The following PPP4R1 variants were observed in gnomAD, a reference collection of about 807,000 sequenced individuals.
PPP4R1 encodes the protein serine/threonine-protein phosphatase 4 regulatory subunit 1.
A neutral mutation model predicts 111.2 loss-of-function variants in PPP4R1; 42 were observed. The observed-to-expected ratio is 0.38, with a 90% CI of 0.29 to 0.49. The LOEUF (loss-of-function observed/expected upper bound fraction) is 0.49. Ranked by LOEUF, PPP4R1 falls within the 20% of genes least tolerant of loss-of-function variation. PPP4R1 has a pLI of 0.97. For missense variants in PPP4R1, 1,012 were observed against 1,161.6 expected (o/e 0.87, Z 1.87); for synonymous variants, 409 against 405.5 (o/e 1.01, Z -0.10).
rs143728389 is a variant in PPP4R1, at chr18:9,591,467, G to A, written c.295+2301C>T. On this transcript the variant is annotated intron_variant, in intron 4 of 19. Transcript: ENST00000400556. Reference sequence around the variant, plus strand: ...ATACCACTATACATCCATCCATTCCGGGGGAAAATAAAAGCAGATGGTAAA... The same window carrying A: ...ATACCACTATACATCCATCCATTCCAGGGGAAAATAAAAGCAGATGGTAAA... Among the ~76,000 whole-genome samples, 341 of 152,092 alleles carry A rather than the reference G, an allele frequency of 2.2e-3. 1 individual carries two copies. The highest frequency in any genetic ancestry group is 3.4e-3 in the Middle Eastern group (1 of 294).
intron 9 of PPP4R1, among the ~76,000 whole-genome samples, chr18:9,581,345 T>C (rs1045479951): frequency 6.6e-6 from 1 of 152,142 alleles, no homozygotes; most frequent in Non-Finnish European, 1.5e-5. Context: ...GGGACGGTGC[T>C]GCATCAACTA....
chr18:9,576,984 A>G, intron 10 of PPP4R1, 80 bp downstream of exon 10: 1 of 1,252,476 alleles, frequency 8.0e-7, no homozygotes, highest in Non-Finnish European at 1.1e-6. Flanking sequence ...CATTTGTTGC[A>G]GAATAGTGGA....
intron 9 of PPP4R1, among the ~76,000 whole-genome samples, chr18:9,579,198 C>T (rs543319659): frequency 6.6e-5 from 10 of 152,216 alleles, no homozygotes; most frequent in Admixed American, 5.9e-4. Context: ...AATTTTCCAA[C>T]ACTATAAAAA....
At chr18:9,575,332 A>C (rs1351770759) in intron 10 of PPP4R1, among the ~76,000 whole-genome samples, 1 of 152,238 alleles carries the variant, frequency 6.6e-6, no homozygotes, top group Non-Finnish European at 1.5e-5. Flanking sequence ...ACAACAGTTT[A>C]AGACAGCTTA....
intron 9 of PPP4R1, among the ~76,000 whole-genome samples, chr18:9,578,051 A>C (rs9961558): frequency 0.2 from 30,184 of 152,080 alleles, 3,311 homozygotes; most frequent in East Asian, 0.49. Flanking sequence ...AGGGGTGATA[A>C]AGAAGTTATA....
At chr18:9,577,226 A>G in intron 9 of PPP4R1, 35 bp from the exon 10 acceptor site, 1 of 1,573,096 alleles carries the variant, frequency 6.4e-7, no homozygotes, top group Non-Finnish European at 8.6e-7. Flanking sequence ...TAAAGGAATC[A>G]TTTTGAAAAA....
intron 10 of PPP4R1, among the ~76,000 whole-genome samples, chr18:9,573,638 C>G (rs1341236413): frequency 6.6e-6 from 1 of 152,108 alleles, no homozygotes; most frequent in Non-Finnish European, 1.5e-5. Flanking sequence ...CGCTCTGTAG[C>G]CCAGGCTGGT....
At chr18:9,610,286 C>T (rs2067555030) in intron 2 of PPP4R1, among the ~76,000 whole-genome samples, 1 of 152,116 alleles carries the variant, frequency 6.6e-6, no homozygotes, top group African/African-American at 2.4e-5. Flanking sequence ...ATTTAAGGAA[C>T]ATAATTAAAT....
chr18:9,562,108 T>TC, intron 12 of PPP4R1, 33 bp from the exon 13 acceptor site: 1 of 1,500,218 alleles, frequency 6.7e-7, no homozygotes, highest in Non-Finnish European at 9.3e-7. Context: ...TAAAGAGCTG[T>TC]CCTGTCTGTA....
chr18:9,595,861 A>C (rs1339065585), intron 2 of PPP4R1, among the ~76,000 whole-genome samples: 1 of 152,212 alleles, frequency 6.6e-6, no homozygotes, highest in Non-Finnish European at 1.5e-5. Context: ...GGAACCAAGC[A>C]ATGAGTGAAA....
intron 2 of PPP4R1, among the ~76,000 whole-genome samples, chr18:9,605,851 T>C (rs764950410): frequency 2.6e-5 from 4 of 152,132 alleles, no homozygotes; most frequent in Non-Finnish European, 4.4e-5. Context: ...AAAAGTGCCC[T>C]TGTTCTTAGG....
At chr18:9,576,941 A>G in intron 10 of PPP4R1, 123 bp downstream of exon 10, 1 of 997,784 alleles carries the variant, frequency 1.0e-6, no homozygotes, top group Non-Finnish European at 1.5e-6. Context: ...CAATTTTTAT[A>G]TTCAAGAGAA....
chr18:9,552,999 G>A (rs968558096), intron 16 of PPP4R1, among the ~76,000 whole-genome samples: 4 of 152,168 alleles, frequency 2.6e-5, no homozygotes, highest in African/African-American at 9.7e-5. Context: ...TTCTTTTCGG[G>A]AGGTTAACAT....
At chr18:9,582,021 C>A (rs1367877341) in intron 9 of PPP4R1, among the ~76,000 whole-genome samples, 1 of 151,922 alleles carries the variant, frequency 6.6e-6, no homozygotes, top group Non-Finnish European at 1.5e-5. Context: ...GTTCGCAGAA[C>A]CACATTAACA....
At chr18:9,552,982 T>TG (rs2066513277) in intron 16 of PPP4R1, among the ~76,000 whole-genome samples, 1 of 152,204 alleles carries the variant, frequency 6.6e-6, no homozygotes, top group Non-Finnish European at 1.5e-5. Flanking sequence ...TTATTGGGCA[T>TG]GGGTTTTTCT....
upstream of PPP4R1, chr18:9,615,203 G>A (rs1158650503): frequency 6.6e-6 from 1 of 152,260 alleles, no homozygotes; most frequent in African/African-American, 2.4e-5. Flanking sequence ...CAGCTTCCTC[G>A]TGCAGCACGG....
At chr18:9,606,371 T>G (rs1412332814) in intron 2 of PPP4R1, among the ~76,000 whole-genome samples, 1 of 152,220 alleles carries the variant, frequency 6.6e-6, no homozygotes, top group Non-Finnish European at 1.5e-5. Flanking sequence ...ATGGCTGCTT[T>G]TACCTTACAA....
At chr18:9,576,077 G>C (rs977142364) in intron 10 of PPP4R1, among the ~76,000 whole-genome samples, 1 of 152,134 alleles carries the variant, frequency 6.6e-6, no homozygotes, top group Non-Finnish European at 1.5e-5. Context: ...ACAAAAAACA[G>C]TACCTCAGGT....
At chr18:9,577,361 A>G (rs1423089273) in intron 9 of PPP4R1, among the ~76,000 whole-genome samples, 170 bp from the exon 10 acceptor site, 1 of 152,192 alleles carries the variant, frequency 6.6e-6, no homozygotes, top group Non-Finnish European at 1.5e-5. Flanking sequence ...GGACTGAAAA[A>G]TTCTTACAAG....
Sources: allele counts gnomAD v4.1 joint callset (sites outside exome capture counted in the v4.1 genomes callset), GRCh38; gene constraint gnomAD v4.1.1; transcripts MANE v1.5; gene names NCBI Gene and HGNC (gene_info 2026-07-23, HGNC 2026-07-21).